The following CLCN4 variants were observed in gnomAD, a reference collection of about 807,000 sequenced individuals.
The protein encoded by CLCN4 is Cl-/H+ antiporter 4.
Under a neutral mutation model 41.7 loss-of-function variants are expected in CLCN4, and 1 was observed. The ratio of observed to expected loss-of-function variants is 0.02; its 90% CI spans 0.01 to 0.11. The LOEUF (loss-of-function observed/expected upper bound fraction) is 0.11. CLCN4 is among the 10% of genes least tolerant of loss of function. The probability of loss-of-function intolerance (pLI) is 1.00; values close to 1 mark genes in which losing one functional copy is unlikely to be tolerated. For synonymous variants in CLCN4, 277 were observed against 285.8 expected (o/e 0.97, Z 0.31); for missense variants, 287 against 661.0 (o/e 0.43, Z 6.20).
chrX:10,160,324 C>T (rs938626491), intron 2 of CLCN4, among the ~76,000 whole-genome samples: 2 of 111,701 alleles, frequency 1.8e-5, no homozygotes, highest in African/African-American at 6.5e-5. Flanking sequence ...AATGTGAAGG[C>T]GTTTTTATGC....
At chrX:10,218,402 G>A in intron 11 of CLCN4, among the ~76,000 whole-genome samples, 1 of 111,656 alleles carries the variant, frequency 9.0e-6, no homozygotes, top group South Asian at 3.7e-4. Flanking sequence ...AGGGTCTGTG[G>A]GTCTCTTTTC....
intron 9 of CLCN4, among the ~76,000 whole-genome samples, chrX:10,210,741 G>A (rs1452532936): frequency 2.1e-5 from 2 of 97,242 alleles, no homozygotes; most frequent in Non-Finnish European, 4.0e-5. Flanking sequence ...CTGCAGCCTC[G>A]ACCTTCTGGG....
At chrX:10,220,983 G>C in intron 12 of CLCN4, 106 bp downstream of exon 12, 1 of 648,925 alleles carries the variant, frequency 1.5e-6, no homozygotes, top group South Asian at 2.5e-5. Context: ...AATAGTCCTT[G>C]ACAGAGAATG....
At chrX:10,209,331 C>T (rs1286928377) in intron 9 of CLCN4, among the ~76,000 whole-genome samples, 2 of 91,198 alleles carry the variant, frequency 2.2e-5, no homozygotes, top group Non-Finnish European at 4.3e-5. Context: ...CTCCCCTTCC[C>T]TTCCCTTTTC....
intron 6 of CLCN4, among the ~76,000 whole-genome samples, chrX:10,205,414 A>G (rs1350302318): frequency 2.0e-5 from 2 of 100,486 alleles, no homozygotes; most frequent in African/African-American, 7.4e-5. Flanking sequence ...CAGAGCTTGC[A>G]GTGAGCCGAG....
chrX:10,175,514 G>A (rs1329037726), intron 2 of CLCN4, among the ~76,000 whole-genome samples: 7 of 111,594 alleles, frequency 6.3e-5, no homozygotes, highest in African/African-American at 2.0e-4. Flanking sequence ...AAAGCAGCTC[G>A]GTAAAGGCTG....
rs1431227879 is a variant in CLCN4, at chrX:10,231,488, T to C, written c.2193-2006T>C. Reference sequence around the variant, plus strand: ...TAGTCTCTTGTCTAGAACAGTTTCCTGCCTTGTTGTTGTTTTTTTAATGAG... The same window carrying C: ...TAGTCTCTTGTCTAGAACAGTTTCCCGCCTTGTTGTTGTTTTTTTAATGAG... On this transcript the variant is annotated intron_variant, in intron 12 of 12. Coordinates refer to ENST00000380833, the MANE Select transcript of CLCN4 (RefSeq NM_001830.4). Among the ~76,000 whole-genome samples the C allele has an allele frequency of 1.8e-5, 2 of 111,798 alleles. 1 individual carries two copies. Among genetic ancestry groups the C allele is most frequent in the Non-Finnish European group, 3.8e-5 (2 of 53,155 alleles).
chrX:10,160,723 G>A (rs1413957660), intron 2 of CLCN4, among the ~76,000 whole-genome samples: 1 of 111,840 alleles, frequency 8.9e-6, no homozygotes, highest in Non-Finnish European at 1.9e-5. Context: ...CACCACCAGC[G>A]ACACGGACAC....
At chrX:10,181,714 A>G (rs962600329) in intron 2 of CLCN4, among the ~76,000 whole-genome samples, 2 of 111,993 alleles carry the variant, frequency 1.8e-5, no homozygotes, top group Admixed American at 9.4e-5. Context: ...TTCATCTTCT[A>G]GAACCTGTTA....
At chrX:10,161,796 C>A (rs779190026) in intron 2 of CLCN4, among the ~76,000 whole-genome samples, 1 of 111,001 alleles carries the variant, frequency 9.0e-6, no homozygotes, top group Admixed American at 9.5e-5. Context: ...AGAGGCACTT[C>A]CACCATGAGG....
intron 8 of CLCN4, 119 bp downstream of exon 8, chrX:10,206,895 G>GTT (rs368113028): frequency 1.2e-3 from 507 of 409,192 alleles, no homozygotes; most frequent in South Asian, 3.7e-3. Context: ...AATTTCCACT[G>GTT]TTTTTTTTTT....
chrX:10,180,784 AAAAAAAAAAAG>A (rs1384649396), intron 2 of CLCN4, among the ~76,000 whole-genome samples: 1 of 106,180 alleles, frequency 9.4e-6, no homozygotes, highest in African/African-American at 3.4e-5. Context: ...AAAAAAAAAA[AAAAAAAAAAAG>A]AAAGAAAGAA....
At position 10,185,598 on chromosome X, in the gene CLCN4, G is replaced by A. The variant is rs180725937; in HGVS notation, c.144+422G>A. Among the ~76,000 whole-genome samples the A allele has an allele frequency of 2.2e-3, 244 of 112,152 alleles. 2 individuals are homozygous for A. Among genetic ancestry groups the A allele is most frequent in the African/African-American group, 7.7e-3 (236 of 30,822 alleles). On this transcript the variant is annotated intron_variant, in intron 3 of 12. Transcript: ENST00000380833. ...AAGTGCTGTGGGATCATTTAGGTTC[G>A]GTTAGGGAAGGGTTTTTCAGCAAGG...
At chrX:10,185,799 G>A (rs895511397) in intron 3 of CLCN4, among the ~76,000 whole-genome samples, 1 of 111,754 alleles carries the variant, frequency 8.9e-6, no homozygotes, top group African/African-American at 3.3e-5. Flanking sequence ...CCTGCAGAGG[G>A]AGGGATAGGG....
intron 2 of CLCN4, among the ~76,000 whole-genome samples, chrX:10,170,107 C>T (rs1347238253): frequency 8.9e-6 from 1 of 111,930 alleles, no homozygotes; most frequent in African/African-American, 3.3e-5. Context: ...GATTCTTGAG[C>T]ATGTCTGTGC....
chrX:10,231,958 C>T (rs772277948), intron 12 of CLCN4, among the ~76,000 whole-genome samples: 4 of 112,342 alleles, frequency 3.6e-5, no homozygotes, highest in East Asian at 2.8e-4. Context: ...CTGCTTCCTA[C>T]GTTTATCAAG....
intron 9 of CLCN4, among the ~76,000 whole-genome samples, chrX:10,209,405 G>A (rs1186158328): frequency 1.0e-5 from 1 of 99,847 alleles, no homozygotes; most frequent in Non-Finnish European, 2.0e-5. Flanking sequence ...CTTGTTCCCA[G>A]GCTGGAATAC....
intron 2 of CLCN4, among the ~76,000 whole-genome samples, chrX:10,177,075 G>A (rs1923552203): frequency 8.9e-6 from 1 of 112,865 alleles, no homozygotes; most frequent in Non-Finnish European, 1.9e-5. Context: ...CTTTCGTACA[G>A]CTTATGAGCT....
chrX:10,212,419 G>T, intron 9 of CLCN4, 48 bp from the exon 10 acceptor site: 1 of 1,143,097 alleles, frequency 8.7e-7, no homozygotes, highest in Non-Finnish European at 1.2e-6. Flanking sequence ...CGTGAAGCGG[G>T]GACTTGGTCT....
Sources: gnomAD v4.1 joint callset for allele counts (sites outside exome capture counted in the v4.1 genomes callset) on GRCh38, gnomAD v4.1.1 for gene constraint, MANE v1.5 for transcripts, NCBI Gene and HGNC (gene_info 2026-07-23, HGNC 2026-07-21) for gene names.